COQ7: variants seen among roughly 807,000 people sequenced by gnomAD.
COQ7 encodes NADPH-dependent 3-demethoxyubiquinone 3-hydroxylase, mitochondrial.
In COQ7, 21 loss-of-function variants were observed where a neutral mutation model predicts 25.0. The observed-to-expected ratio is 0.84, with a 90% CI of 0.60 to 1.21. The LOEUF is 1.21. Among genes scored for constraint, COQ7 ranks in the 50% most tolerant of loss-of-function variants. The probability of loss-of-function intolerance (pLI) is 0.00; values close to 1 mark genes in which losing one functional copy is unlikely to be tolerated. For missense variants in COQ7, 311 were observed against 296.2 expected (o/e 1.05, Z -0.37); for synonymous variants, 125 against 112.4 (o/e 1.11, Z -0.71).
Position 19,072,009 on chromosome 16 carries a change from T to C in COQ7, c.155T>C (p.Ile52Thr), listed in dbSNP as rs767169515. ...ATCAGTCGGGCAGCTGTGGATCGAA[T>C]AATCCGGGTGGATCATGCAGGCGAA... ...DNISRAAVDR[I>T]IRVDHAGEYG... The change falls in exon 2 of 6, where the codon ATA (isoleucine) becomes ACA (threonine). Residue 52 changes from isoleucine to threonine, a missense_variant. Ile to Thr is a moderately conservative substitution (Grantham distance 89). Coordinates refer to ENST00000321998, the MANE Select transcript of COQ7 (RefSeq NM_016138.5). 6.2e-7 allele frequency: 1 copy of C among 1,614,232 alleles called. No homozygotes were observed. Among genetic ancestry groups the C allele is most frequent in the Admixed American group, 1.7e-5 (1 of 60,014 alleles).
rs758966335 is a variant in COQ7 at position 19,079,883 on chromosome 16, C to T, written c.*1725C>T. ...TGAATTTATGTAATTGAGTGAAAGT[C>T]TACGAATCATAATTGTAATAAATTA... On this transcript the variant is annotated 3_prime_UTR_variant, in exon 6 of 6. Coordinates refer to ENST00000321998, the MANE Select transcript of COQ7 (RefSeq NM_016138.5). The T allele has an allele frequency of 6.6e-6, 1 of 152,130 alleles. No homozygotes were observed. Among genetic ancestry groups the T allele is most frequent in the Non-Finnish European group, 1.5e-5 (1 of 68,044 alleles). 9.4% of individuals were successfully genotyped at this position (152,130 alleles called of 1,614,324 possible). A position where few individuals can be genotyped will look rare whatever the true frequency, so the allele number is the denominator to read the frequency against.
chr16:19,068,239 C>T, intron 1 of COQ7: 1 of 1,006,354 alleles, frequency 9.9e-7, no homozygotes, highest in Non-Finnish European at 1.2e-6. Context: ...AGGTGATTTG[C>T]ATGCACTGTA....
At chr16:19,071,650 A>G (rs1324693151) in intron 1 of COQ7, 4 of 426,984 alleles carry the variant, frequency 9.4e-6, no homozygotes, top group Non-Finnish European at 1.7e-5. Flanking sequence ...CTGGAGAACC[A>G]TGCTCATCTA....
At chr16:19,074,394 G>A (rs774598792) in intron 3 of COQ7, among the ~76,000 whole-genome samples, 6 of 151,864 alleles carry the variant, frequency 4.0e-5, no homozygotes, top group Non-Finnish European at 7.4e-5. Context: ...GCATGGTGGT[G>A]CGTGCCTGTA....
chr16:19,082,298 G>A (rs1264687046), downstream of COQ7, among the ~76,000 whole-genome samples: 1 of 152,168 alleles, frequency 6.6e-6, no homozygotes, highest in Non-Finnish European at 1.5e-5. Flanking sequence ...GAACAACAAT[G>A]TGAATGTACT....
downstream of COQ7, chr16:19,080,106 T>A (rs1178489624): frequency 2.6e-5 from 4 of 152,186 alleles, no homozygotes; most frequent in Non-Finnish European, 5.9e-5. Context: ...GGTACTGATC[T>A]GCTCTTTAAC....
intron 1 of COQ7, chr16:19,068,506 G>A (rs1962362388): frequency 1.8e-6 from 1 of 569,464 alleles, no homozygotes; most frequent in South Asian, 6.5e-5. Flanking sequence ...ACAAAAATTT[G>A]CCAGGCGTGA....
In COQ7 at chr16:19,075,066, T is replaced by C. The variant is rs543776314; in HGVS notation, c.368-655T>C. The stretch of plus-strand genomic sequence containing the variant: ...TGGCCACGGTCAGGATAAAACAGCA[T>C]TGAAAAGAGAATGGTTTTTCTTAAC... On this transcript the variant is annotated intron_variant, in intron 3 of 5. Coordinates refer to ENST00000321998, the MANE Select transcript of COQ7 (RefSeq NM_016138.5). Among the ~76,000 whole-genome samples, 67 of 152,296 alleles carry C rather than the reference T, an allele frequency of 4.4e-4. No homozygotes were observed. The South Asian group carries it at 0.013, about 30-fold the overall frequency.
rs1480132940 is a variant in COQ7 at position 19,075,915 on chromosome 16, A to T, written c.507+55A>T. 5 of 1,610,322 alleles carry T rather than the reference A, an allele frequency of 3.1e-6. No homozygotes were observed. In the Admixed American group the frequency reaches 5.0e-5, roughly 16 times the overall value. ...CTCAAGGAGGAAAATGGCAGATAGC[A>T]ATTGGGTAAGAGGAAAACATGTTAG... On this transcript the variant is annotated intron_variant, in intron 4 of 5. Transcript: ENST00000321998.
chr16:19,075,247 C>T (rs1001166973), intron 3 of COQ7, among the ~76,000 whole-genome samples: 2 of 147,062 alleles, frequency 1.4e-5, no homozygotes, highest in African/African-American at 5.1e-5. Context: ...CTGTCACCCA[C>T]GCTGGAGTGC....
Position 19,073,937 on chromosome 16 carries a change from A to G in COQ7, c.269A>G (p.Glu90Gly). 1 of 1,613,626 alleles carries G rather than the reference A, an allele frequency of 6.2e-7. No homozygotes were observed. Among genetic ancestry groups the G allele is most frequent in the African/African-American group, 1.3e-5 (1 of 75,004 alleles). Reference sequence around the variant, plus strand: ...TTCTTGCAGAAAATGTGGGATCAAGAAAAGGACCATTTGAAAAAGTTCAAT... The same window carrying G: ...TTCTTGCAGAAAATGTGGGATCAAGGAAAGGACCATTTGAAAAAGTTCAAT... ...GPVIQKMWDQ[E>G]KDHLKKFNEL... The change falls in exon 3 of 6, where the codon GAA becomes GGA. Residue 90 changes from glutamate (E) to glycine (G), a missense_variant. Physicochemically the swap from Glu to Gly is moderately conservative, Grantham distance 98. Transcript: ENST00000321998.
At chr16:19,077,444 C>G (rs1054842217) in intron 5 of COQ7, 70 bp downstream of exon 5, 1 of 1,299,186 alleles carries the variant, frequency 7.7e-7, no homozygotes, top group Non-Finnish European at 1.1e-6. Context: ...CAGGAGGTTT[C>G]TGTTGCCAGA....
downstream of COQ7, among the ~76,000 whole-genome samples, chr16:19,080,439 T>G (rs1215615324): frequency 6.6e-6 from 1 of 152,220 alleles, no homozygotes; most frequent in Non-Finnish European, 1.5e-5. Context: ...AGTCATCATT[T>G]TGGCTAATGA....
In COQ7 at chr16:19,079,666, A is replaced by C. The variant is rs1359885034; in HGVS notation, c.*1508A>C. 6.6e-6 allele frequency: 1 copy of C among 152,136 alleles called. No individual in the cohort carries two copies. The highest frequency in any genetic ancestry group is 2.4e-5 in the African/African-American group (1 of 41,426). The allele number at this position is 152,136 out of a possible 1,614,324, so 9.4% of individuals were successfully genotyped here. A position where few individuals can be genotyped will look rare whatever the true frequency, so the allele number is the denominator to read the frequency against. ...AGTGAGTTGGAGCTGCAAGCCCCTG[A>C]GCTAGATTATAAGATGCTTCTGGGA... On this transcript the variant is annotated 3_prime_UTR_variant, in exon 6 of 6. Coordinates refer to ENST00000321998, the MANE Select transcript of COQ7 (RefSeq NM_016138.5).
downstream of COQ7, among the ~76,000 whole-genome samples, chr16:19,081,251 T>C (rs1963094096): frequency 6.6e-6 from 1 of 152,228 alleles, no homozygotes; most frequent in Non-Finnish European, 1.5e-5. Context: ...AGTATTCTTA[T>C]GGCAATGTAG....
chr16:19,067,863 G>C, intron 1 of COQ7, 126 bp downstream of exon 1: 4 of 1,501,216 alleles, frequency 2.7e-6, no homozygotes, highest in Non-Finnish European at 3.5e-6. Context: ...GACGGAGCGC[G>C]ACTGCGTGAC....
rs954502837 is a variant in COQ7 at position 19,077,236 on chromosome 16, C to G, written c.508-70C>G. 4 of 1,386,982 alleles carry G rather than the reference C, an allele frequency of 2.9e-6. No homozygotes were observed. In the African/African-American group the frequency reaches 5.7e-5, roughly 20 times the overall value. 85.9% of individuals were successfully genotyped at this position (1,386,982 alleles called of 1,614,324 possible). On this transcript the variant is annotated intron_variant, in intron 4 of 5. Coordinates refer to ENST00000321998, the MANE Select transcript of COQ7 (RefSeq NM_016138.5). ...TTAGGCCATAATAAGAGGCTTTAGCCTCCAAAATGAAATGGAACAGCAGGA... is the reference window on the plus strand; with the variant it reads ...TTAGGCCATAATAAGAGGCTTTAGCGTCCAAAATGAAATGGAACAGCAGGA...
At chr16:19,075,664 C>G (rs1324786434) in intron 3 of COQ7, 57 bp from the exon 4 acceptor site, 2 of 1,509,138 alleles carry the variant, frequency 1.3e-6, no homozygotes, top group Non-Finnish European at 1.8e-6. Context: ...CACAGATGGT[C>G]TCCATTACCG....
intron 1 of COQ7, chr16:19,071,695 G>A (rs1252426360): frequency 7.5e-6 from 4 of 532,764 alleles, no homozygotes; most frequent in Admixed American, 6.5e-5. Context: ...TGGTAAGAAG[G>A]TAGGCTCAGC....
Sources: gnomAD v4.1 joint callset for allele counts (sites outside exome capture counted in the v4.1 genomes callset) on GRCh38, gnomAD v4.1.1 for gene constraint, MANE v1.5 for transcripts, NCBI Gene and HGNC (gene_info 2026-07-23, HGNC 2026-07-21) for gene names.